The following PTPRB variants were observed in gnomAD, a reference collection of about 807,000 sequenced individuals.
PTPRB encodes the protein receptor-type tyrosine-protein phosphatase beta.
PTPRB carries 97 observed loss-of-function variants against 238.1 expected under a neutral mutation model. The observed-to-expected ratio is 0.41, with a 90% CI of 0.35 to 0.48. The LOEUF (loss-of-function observed/expected upper bound fraction) is 0.48, where lower values mean the gene tolerates loss of function less well. Ranked by LOEUF, PTPRB falls within the 20% of genes least tolerant of loss-of-function variation. The pLI is 0.30. For missense variants in PTPRB, 2,292 were observed against 2,681.9 expected (o/e 0.85, Z 3.21); for synonymous variants, 970 against 995.4 (o/e 0.97, Z 0.48).
intron 18 of PTPRB, among the ~76,000 whole-genome samples, chr12:70,557,013 A>T (rs1255862845): frequency 1.3e-5 from 2 of 152,374 alleles, no homozygotes; most frequent in Admixed American, 1.3e-4. Context: ...AAAGGAAAAC[A>T]TACCAGAAGA....
At chr12:70,536,840 C>A (rs560257966) in intron 28 of PTPRB, among the ~76,000 whole-genome samples, 1 of 152,234 alleles carries the variant, frequency 6.6e-6, no homozygotes, top group African/African-American at 2.4e-5. Context: ...CCTTACTTAT[C>A]CTCAGCATGG....
chr12:70,575,053 G>A (rs187947248), intron 11 of PTPRB, among the ~76,000 whole-genome samples: 16 of 152,254 alleles, frequency 1.1e-4, no homozygotes, highest in Non-Finnish European at 2.2e-4. Context: ...ATAGAAATCT[G>A]CTTTTCAGAT....
At chr12:70,593,143 T>C (rs1882654873) in intron 6 of PTPRB, among the ~76,000 whole-genome samples, 1 of 152,316 alleles carries the variant, frequency 6.6e-6, no homozygotes, top group African/African-American at 2.4e-5. Flanking sequence ...TACTACTTCA[T>C]CAGAGGAAAA....
chr12:70,573,751 C>T (rs1162710626), intron 11 of PTPRB, among the ~76,000 whole-genome samples: 4 of 151,340 alleles, frequency 2.6e-5, no homozygotes, highest in South Asian at 2.1e-4. Context: ...ATGATTCTCC[C>T]GCCTCGGCCT....
chr12:70,548,360 A>T (rs1469746035), intron 21 of PTPRB, among the ~76,000 whole-genome samples: 2,290 of 148,926 alleles, frequency 0.015, 59 homozygotes, highest in African/African-American at 0.051. Context: ...ACACACACAC[A>T]CACACACACA....
chr12:70,572,787 A>AAAAAAAAAG (rs1565961471), intron 11 of PTPRB, among the ~76,000 whole-genome samples: 3 of 151,516 alleles, frequency 2.0e-5, no homozygotes, highest in Non-Finnish European at 4.4e-5. Context: ...AAAAAAAAAA[A>AAAAAAAAAG]AAAAAGAAAA....
At chr12:70,555,797 A>G in intron 19 of PTPRB, 73 bp downstream of exon 19, 1 of 1,530,562 alleles carries the variant, frequency 6.5e-7, no homozygotes, top group Non-Finnish European at 8.8e-7. Context: ...AGTGATGGAT[A>G]TGATAGAGAA....
intron 19 of PTPRB, 77 bp from the exon 20 acceptor site, chr12:70,555,386 G>A (rs1317217743): frequency 7.4e-7 from 1 of 1,349,298 alleles, no homozygotes; most frequent in Non-Finnish European, 1.0e-6. Flanking sequence ...TTAGTGAAAT[G>A]AAGGATTCTG....
rs532833023 is a variant in PTPRB, at chr12:70,521,495, C to T, written c.6642G>A (p.Arg2214=). ...GAGCTCTTCAGGTACATTCTCAATG[C>T]CTTGAATAGACTGGATCTGAAAGGA... The part of the protein sequence containing the change: ...PEYHRDPVYS[R]H Residue 2214 remains arginine, a synonymous_variant, in exon 34 of 34, where the codon AGG becomes AGA. Coordinates refer to ENST00000334414, the MANE Select transcript of PTPRB (RefSeq NM_001109754.4). 1.1e-4 allele frequency: 171 copies of T among 1,545,506 alleles called. 3 individuals are homozygous for T. In the South Asian group the frequency reaches 2.0e-3, roughly 18 times the overall value.
At position 70,581,117 on chromosome 12, in the gene PTPRB, A is replaced by C; in HGVS notation, c.2497T>G (p.Ser833Ala). The C allele has an allele frequency of 6.2e-7, 1 of 1,614,006 alleles. No individual in the cohort carries two copies. Among genetic ancestry groups the C allele is most frequent in the Non-Finnish European group, 8.5e-7 (1 of 1,179,900 alleles). The change falls in exon 10 of 34, where the codon TCC becomes GCC. Residue 833 changes from serine to alanine, a missense_variant. Physicochemically the swap from Ser to Ala is moderately conservative, Grantham distance 99. Transcript: ENST00000334414. ...TSRYSFHSLK[S>A]GSLYSVVVTT... ...ACCACCACGGAGTACAGGCTGCCGG[A>C]CTTGAGAGAGTGGAAGCTGTATCTG...
intron 21 of PTPRB, among the ~76,000 whole-genome samples, chr12:70,544,882 T>C (rs2136273664): frequency 6.6e-6 from 1 of 152,306 alleles, no homozygotes; most frequent in South Asian, 2.1e-4. Context: ...TTCTAGTAGC[T>C]GGGACTTTGC....
rs1447858576 is a variant in PTPRB at position 70,569,810 on chromosome 12, C to G, written c.3499G>C (p.Val1167Leu). The G allele has an allele frequency of 1.2e-6, 2 of 1,613,812 alleles. No individual in the cohort carries two copies. Among genetic ancestry groups the G allele is most frequent in the Non-Finnish European group, 1.7e-6 (2 of 1,179,894 alleles). ...TVSAFRHSQKVDSQTIPKHVF... is the reference protein window; with the variant it reads ...TVSAFRHSQKLDSQTIPKHVF... ...TGCTTGGGAATAGTCTGAGAGTCAA[C>G]CTTTTGACTGTGCCTGAATGCCGAC... Residue 1167 changes from valine (V) to leucine (L), a missense_variant, in exon 14 of 34, where the codon GTT (valine) becomes CTT (leucine). Val to Leu is a conservative substitution (Grantham distance 32). This residue lies in a region of PTPRB where 683 missense variants were observed against 862.0 expected (regional missense o/e 0.79). Coordinates refer to ENST00000334414, the MANE Select transcript of PTPRB (RefSeq NM_001109754.4).
intron 7 of PTPRB, among the ~76,000 whole-genome samples, chr12:70,590,940 G>GTTTTTTTT (rs35496972): frequency 1.9e-5 from 2 of 102,860 alleles, no homozygotes; most frequent in Non-Finnish European, 3.8e-5. Context: ...TTTCCTCCAA[G>GTTTTTTTT]TTTTTTTTTT....
chr12:70,539,072 A>C, intron 26 of PTPRB, 58 bp from the exon 27 acceptor site: 2 of 1,310,864 alleles, frequency 1.5e-6, no homozygotes, highest in Non-Finnish European at 2.2e-6. Flanking sequence ...AAAGCAAATC[A>C]TACAGTCCTG....
At chr12:70,617,303 A>G (rs1221144015) in intron 3 of PTPRB, among the ~76,000 whole-genome samples, 1 of 152,250 alleles carries the variant, frequency 6.6e-6, no homozygotes, top group East Asian at 1.9e-4. Flanking sequence ...AGTCCATGTT[A>G]GAATTAGGCT....
chr12:70,620,949 T>C (rs1884902656), intron 3 of PTPRB, among the ~76,000 whole-genome samples: 1 of 152,232 alleles, frequency 6.6e-6, no homozygotes, highest in Non-Finnish European at 1.5e-5. Context: ...TTTGCCACTA[T>C]GCGATCTATG....
intron 3 of PTPRB, among the ~76,000 whole-genome samples, chr12:70,619,157 A>AGTGTGT (rs3049143): frequency 0.14 from 19,170 of 141,992 alleles, 1,333 homozygotes; most frequent in East Asian, 0.21. Flanking sequence ...TGTTTAGGGG[A>AGTGTGT]GTGTGTGTGT....
intron 3 of PTPRB, chr12:70,609,715 G>A (rs1884272545): frequency 6.6e-7 from 1 of 1,517,370 alleles, no homozygotes; most frequent in African/African-American, 1.4e-5. Flanking sequence ...TTGGTTTTCG[G>A]CGGGGAGGGG....
chr12:70,534,991 A>C, intron 29 of PTPRB, 36 bp from the exon 30 acceptor site: 1 of 1,587,966 alleles, frequency 6.3e-7, no homozygotes, highest in Non-Finnish European at 8.6e-7. Context: ...ATGAGTCCGG[A>C]AAAGTGACTC....
Sources: gnomAD v4.1 joint callset for allele counts (sites outside exome capture counted in the v4.1 genomes callset) on GRCh38, gnomAD v4.1.1 for gene constraint, gnomAD v4.1.1 regional missense constraint, MANE v1.5 for transcripts, NCBI Gene and HGNC (gene_info 2026-07-23, HGNC 2026-07-21) for gene names.